The following IL17RA variants were observed in gnomAD, a reference collection of about 807,000 sequenced individuals.
IL17RA encodes interleukin 17 receptor A, also known as interleukin-17 receptor A.
IL17RA carries 34 observed loss-of-function variants against 50.4 expected under a neutral mutation model. The ratio of observed to expected loss-of-function variants is 0.67; its 90% CI spans 0.51 to 0.90. The LOEUF is 0.90. Among genes scored for constraint, IL17RA ranks in the 40% least tolerant of loss-of-function variants. The pLI, the probability that IL17RA is intolerant of heterozygous loss-of-function variation, is 0.00. For synonymous variants in IL17RA, 585 were observed against 510.4 expected (o/e 1.15, Z -1.97); for missense variants, 1,276 against 1,169.8 (o/e 1.09, Z -1.32).
Position 17,108,656 on chromosome 22 carries a change from C to T in IL17RA, c.1437C>T (p.Phe479=). The T allele has an allele frequency of 6.2e-7, 1 of 1,607,320 alleles. No individual in the cohort carries two copies. The highest frequency in any genetic ancestry group is 2.2e-5 in the East Asian group (1 of 44,882). ...CDHGKPVGDL[F]TAAMNMILPD... ...ACGGAAAGCCCGTGGGGGACCTGTTCACTGCAGCCATGAACATGATCCTCC... is the reference window on the plus strand; with the variant it reads ...ACGGAAAGCCCGTGGGGGACCTGTTTACTGCAGCCATGAACATGATCCTCC... The change falls in exon 13 of 13, where the codon TTC becomes TTT. Residue 479 remains phenylalanine, a synonymous_variant. Coordinates refer to ENST00000319363, the MANE Select transcript of IL17RA (RefSeq NM_014339.7).
At chr22:17,094,252 G>C (rs1255727844) in intron 1 of IL17RA, among the ~76,000 whole-genome samples, 1 of 152,020 alleles carries the variant, frequency 6.6e-6, no homozygotes, top group African/African-American at 2.4e-5. Context: ...TCCCAAAAGT[G>C]CTGGGATTAC....
intron 1 of IL17RA, among the ~76,000 whole-genome samples, chr22:17,092,601 A>G (rs1183274751): frequency 2.0e-5 from 3 of 152,242 alleles, no homozygotes; most frequent in African/African-American, 4.8e-5. Context: ...CCCCGCCAAT[A>G]TGTAGTCACA....
At chr22:17,093,939 GGT>G (rs1399289986) in intron 1 of IL17RA, 1 of 121,008 alleles carries the variant, frequency 8.3e-6, no homozygotes, top group African/African-American at 2.7e-5. Context: ...ATTGGTGGCA[GGT>G]GACAGAATAG....
chr22:17,093,735 G>GAC (rs1290768873), intron 1 of IL17RA: 1 of 193,132 alleles, frequency 5.2e-6, no homozygotes, highest in Non-Finnish European at 1.1e-5. Context: ...GCTGCACATG[G>GAC]ACACAGTATG....
intron 1 of IL17RA, among the ~76,000 whole-genome samples, chr22:17,095,789 G>C (rs918258113): frequency 6.6e-6 from 1 of 152,184 alleles, no homozygotes; most frequent in African/African-American, 2.4e-5. Context: ...ACCTGTAGGG[G>C]AGAATTCAGG....
intron 7 of IL17RA, among the ~76,000 whole-genome samples, chr22:17,102,738 C>G (rs2061396336): frequency 6.6e-6 from 1 of 151,808 alleles, no homozygotes; most frequent in South Asian, 2.1e-4. Flanking sequence ...AGTTGGAGTT[C>G]GAGACTACAG....
chr22:17,097,370 C>A, intron 2 of IL17RA: 1 of 534,116 alleles, frequency 1.9e-6, no homozygotes, highest in Non-Finnish European at 3.4e-6. Context: ...ATTTGATTTG[C>A]CACAGCTTGT....
chr22:17,108,968 C>A lies in IL17RA; in HGVS notation c.1749C>A (p.Asp583Glu), dbSNP rs770168313. 2.5e-6 allele frequency: 4 copies of A among 1,606,098 alleles called. No individual in the cohort carries two copies. In the African/African-American group the frequency reaches 5.3e-5, roughly 21 times the overall value. ...RFRDWQVRCP[D>E]WFECENLYSA... ...GGGACTGGCAGGTCCGCTGTCCCGACTGGTTCGAATGTGAGAACCTCTACT... is the reference window on the plus strand; with the variant it reads ...GGGACTGGCAGGTCCGCTGTCCCGAATGGTTCGAATGTGAGAACCTCTACT... Residue 583 changes from aspartate to glutamate, a missense_variant, in exon 13 of 13, where the codon GAC becomes GAA. Transcript: ENST00000319363.
At chr22:17,085,844 G>A (rs1033839982) in intron 1 of IL17RA, among the ~76,000 whole-genome samples, 7 of 152,202 alleles carry the variant, frequency 4.6e-5, no homozygotes, top group African/African-American at 1.7e-4. Context: ...GCCACGCGGG[G>A]GCCGGAGCGC....
chr22:17,101,962 G>A, intron 5 of IL17RA, 34 bp from the exon 6 acceptor site: 1 of 1,613,964 alleles, frequency 6.2e-7, no homozygotes, highest in Non-Finnish European at 8.5e-7. Context: ...TGAAGGCAGA[G>A]GCTTAATGAG....
chr22:17,112,155 C>T lies in IL17RA; in HGVS notation c.*2335C>T, dbSNP rs868400718. On this transcript the variant is annotated 3_prime_UTR_variant, in exon 13 of 13. Coordinates refer to ENST00000319363, the MANE Select transcript of IL17RA (RefSeq NM_014339.7). ...CACAATGCACTCTTCCTGCGTAGAG[C>T]ACATGTTCCCATCTGCTCCCATTCC... 6.8e-6 allele frequency: 1 copy of T among 147,870 alleles called. No individual in the cohort carries two copies. Among genetic ancestry groups the T allele is most frequent in the African/African-American group, 2.6e-5 (1 of 38,790 alleles). 9.2% of individuals were successfully genotyped at this position (147,870 alleles called of 1,614,324 possible).
chr22:17,099,356 A>G (rs1181126884), intron 4 of IL17RA, among the ~76,000 whole-genome samples: 3 of 152,208 alleles, frequency 2.0e-5, no homozygotes, highest in Non-Finnish European at 4.4e-5. Flanking sequence ...TTTGCTGCTC[A>G]CAGCTAAATG....
rs2061428715 is a variant in IL17RA, at chr22:17,109,213, T to G, written c.1994T>G (p.Leu665Arg). ...CGGGGTCAGCCAGCGCCGCAGCCCC[T>G]CCACACCCTGGTGCTCGCCGCAGAG... ...QPRGQPAPQPLHTLVLAAEEG... is the reference protein window; with the variant it reads ...QPRGQPAPQPRHTLVLAAEEG... The change falls in exon 13 of 13, where the codon CTC becomes CGC. Residue 665 changes from leucine (L) to arginine (R), a missense_variant. Leu to Arg is a moderately radical substitution (Grantham distance 102). Coordinates refer to ENST00000319363, the MANE Select transcript of IL17RA (RefSeq NM_014339.7). The G allele has an allele frequency of 6.7e-7, 1 of 1,502,662 alleles. No individual in the cohort carries two copies. The highest frequency in any genetic ancestry group is 8.8e-7 in the Non-Finnish European group (1 of 1,131,200). The allele number at this position is 1,502,662 out of a possible 1,614,324, so 93.1% of individuals were successfully genotyped here. A position where few individuals can be genotyped will look rare whatever the true frequency, so the allele number is the denominator to read the frequency against.
Position 17,108,659 on chromosome 22 carries a change from T to G in IL17RA, c.1440T>G (p.Thr480=). ...GAAAGCCCGTGGGGGACCTGTTCAC[T>G]GCAGCCATGAACATGATCCTCCCGG... ...DHGKPVGDLF[T]AAMNMILPDF... The change falls in exon 13 of 13, where the codon ACT becomes ACG. Residue 480 remains threonine, a synonymous_variant. Transcript: ENST00000319363. 6.2e-7 allele frequency: 1 copy of G among 1,607,530 alleles called. No homozygotes were observed. Among genetic ancestry groups the G allele is most frequent in the Non-Finnish European group, 8.5e-7 (1 of 1,179,800 alleles).
Position 17,108,559 on chromosome 22 carries a change from G to T in IL17RA, c.1340G>T (p.Cys447Phe). The change falls in exon 13 of 13, where the codon TGC becomes TTC. Residue 447 changes from cysteine to phenylalanine, a missense_variant. Transcript: ENST00000319363. The part of the protein sequence containing the change: ...VESNSKIIVL[C>F]SRGTRAKWQA... ...AGCAACTCTAAGATCATCGTCCTGT[G>T]CTCCCGCGGCACGCGCGCCAAGTGG... 2 of 1,608,120 alleles carry T rather than the reference G, an allele frequency of 1.2e-6. No individual in the cohort carries two copies. Among genetic ancestry groups the T allele is most frequent in the Non-Finnish European group, 1.7e-6 (2 of 1,179,988 alleles).
Position 17,105,532 on chromosome 22 carries a change from G to T in IL17RA, c.932-59G>T, listed in dbSNP as rs2061410402. 2.2e-5 allele frequency: 34 copies of T among 1,557,002 alleles called. 1 individual carries two copies. In the South Asian group the frequency reaches 3.7e-4, roughly 17 times the overall value. ...TCAAGGGACGTCAGTTGTGTTTCTT[G>T]TGATGACTGGGAAGGGTTAAGAATG... On this transcript the variant is annotated intron_variant, in intron 9 of 12. Coordinates refer to ENST00000319363, the MANE Select transcript of IL17RA (RefSeq NM_014339.7).
rs2061430145 is a variant in IL17RA at position 17,109,397 on chromosome 22, GC to G, written c.2182del (p.Gly729AlafsTer16). On this transcript the variant is annotated frameshift_variant, in exon 13 of 13. Coordinates refer to ENST00000319363, the MANE Select transcript of IL17RA (RefSeq NM_014339.7). LOFTEE classifies it low-confidence loss of function (END_TRUNC). Reference sequence around the variant, plus strand: ...TCCTCCCCGTGGACCCCGAGGACTCGCCCCTTGGCAGCAGCACCCCCATGGC... The same window carrying G: ...TCCTCCCCGTGGACCCCGAGGACTCGCCCTTGGCAGCAGCACCCCCATGGC... ...LFLPVDPEDS[P>X]LGSSTPMASP... 6.2e-7 allele frequency: 1 copy of G among 1,612,752 alleles called. No individual in the cohort carries two copies. The highest frequency in any genetic ancestry group is 1.3e-5 in the African/African-American group (1 of 74,920).
chr22:17,108,767 G>C lies in IL17RA; in HGVS notation c.1548G>C (p.Leu516=). ...GCTGTGACGGCGACGTCCCCGACCT[G>C]TTCGGCGCGGCGCCGCGGTACCCGC... The part of the protein sequence containing the change: ...EVSCDGDVPD[L]FGAAPRYPLM... The change falls in exon 13 of 13, where the codon CTG becomes CTC. Residue 516 remains leucine, a synonymous_variant. Coordinates refer to ENST00000319363, the MANE Select transcript of IL17RA (RefSeq NM_014339.7). The C allele has an allele frequency of 2.5e-6, 4 of 1,609,522 alleles. No individual in the cohort carries two copies. Among genetic ancestry groups the C allele is most frequent in the African/African-American group, 2.7e-5 (2 of 74,988 alleles).
intron 1 of IL17RA, among the ~76,000 whole-genome samples, chr22:17,086,449 TC>T (rs1318399931): frequency 1.3e-5 from 2 of 152,016 alleles, no homozygotes; most frequent in Admixed American, 6.5e-5. Context: ...GCAAAGCAGG[TC>T]CCTCTGCCCT....
Sources: allele counts gnomAD v4.1 joint callset (sites outside exome capture counted in the v4.1 genomes callset), GRCh38; gene constraint gnomAD v4.1.1; transcripts MANE v1.5; gene names NCBI Gene and HGNC (gene_info 2026-07-23, HGNC 2026-07-21).